Variants in KDM7A observed in about 807,000 individuals in gnomAD.
The protein encoded by KDM7A is lysine-specific demethylase 7A.
A neutral mutation model predicts 114.8 loss-of-function variants in KDM7A; 28 were observed. That is an observed-to-expected ratio of 0.24 (90% CI 0.18 to 0.33). The LOEUF is 0.33. Ranked by LOEUF, KDM7A falls within the 10% of genes least tolerant of loss-of-function variation. The probability of loss-of-function intolerance (pLI) is 1.00; values close to 1 mark genes in which losing one functional copy is unlikely to be tolerated. For missense variants in KDM7A, 942 were observed against 1,142.5 expected, an observed-to-expected ratio of 0.82 and a Z score of 2.53; for synonymous variants, 423 against 397.8, an observed-to-expected ratio of 1.06 and a Z score of -0.75.
At chr7:140,129,114 T>C (rs1818749563) in intron 4 of KDM7A, among the ~76,000 whole-genome samples, 1 of 152,214 alleles carries the variant, frequency 6.6e-6, no homozygotes, top group Non-Finnish European at 1.5e-5. Flanking sequence ...GTGCAGCTGG[T>C]GTACTGGGAT....
intron 3 of KDM7A, among the ~76,000 whole-genome samples, chr7:140,130,103 G>A (rs920555817): frequency 6.6e-6 from 1 of 152,090 alleles, no homozygotes; most frequent in Non-Finnish European, 1.5e-5. Flanking sequence ...AAAAAAATCT[G>A]AAATCATTTC....
chr7:140,093,993 A>C (rs1818063600), intron 18 of KDM7A, 63 bp downstream of exon 18: 3 of 1,025,182 alleles, frequency 2.9e-6, no homozygotes, highest in Non-Finnish European at 3.1e-6. Context: ...TTAAAAAAGA[A>C]AGCAAAAACA....
chr7:140,097,481 G>A (rs1410083725), intron 15 of KDM7A, 64 bp downstream of exon 15: 2 of 872,372 alleles, frequency 2.3e-6, no homozygotes, highest in East Asian at 4.9e-5. Flanking sequence ...TTGCTTCCAG[G>A]AGAAGTTACG....
chr7:140,147,302 T>C (rs1024269685), intron 1 of KDM7A, among the ~76,000 whole-genome samples: 5 of 152,220 alleles, frequency 3.3e-5, no homozygotes, highest in Admixed American at 6.5e-5. Flanking sequence ...CTATTAACTG[T>C]GCTGCAAACT....
chr7:140,161,670 G>A (rs372800427), intron 1 of KDM7A, among the ~76,000 whole-genome samples: 17 of 151,688 alleles, frequency 1.1e-4, no homozygotes, highest in South Asian at 6.3e-4. Flanking sequence ...TCAGCCTCCC[G>A]AGCAGCTGGG....
chr7:140,100,705 T>TATAC (rs1303837729), intron 12 of KDM7A, among the ~76,000 whole-genome samples: 1 of 38,366 alleles, frequency 2.6e-5, no homozygotes, highest in Admixed American at 2.8e-4. Flanking sequence ...TATATATATA[T>TATAC]ATACACATAT....
chr7:140,091,025 C>G lies in KDM7A; in HGVS notation c.*69G>C, dbSNP rs867422068. 1.8e-6 allele frequency: 2 copies of G among 1,096,628 alleles called. No individual in the cohort carries two copies. Among genetic ancestry groups the G allele is most frequent in the Non-Finnish European group, 2.8e-6 (2 of 711,884 alleles). 67.9% of individuals were successfully genotyped at this position (1,096,628 alleles called of 1,614,324 possible). A position where few individuals can be genotyped will look rare whatever the true frequency, so the allele number is the denominator to read the frequency against. On this transcript the variant is annotated 3_prime_UTR_variant, in exon 20 of 20. Transcript: ENST00000397560. ...CAAACTGCTCCAGGCAGGGGGACAG[C>G]GGAAGCTCCAGGCTCCTGCACCCCT...
chr7:140,147,764 G>A (rs573181453), intron 1 of KDM7A, among the ~76,000 whole-genome samples: 15 of 152,274 alleles, frequency 9.9e-5, no homozygotes, highest in African/African-American at 3.1e-4. Context: ...GACAGCTATA[G>A]GAGAGGCAAG....
At chr7:140,106,375 T>C (rs1818338311) in intron 11 of KDM7A, among the ~76,000 whole-genome samples, 1 of 152,232 alleles carries the variant, frequency 6.6e-6, no homozygotes, top group African/African-American at 2.4e-5. Context: ...TTAATTGTGA[T>C]GTTAGGGTGT....
intron 19 of KDM7A, 33 bp downstream of exon 19, chr7:140,091,771 A>C (rs1818024411): frequency 6.2e-7 from 1 of 1,606,354 alleles, no homozygotes; most frequent in Non-Finnish European, 8.5e-7. Flanking sequence ...TACAGTCAGA[A>C]ATATACTTTC....
chr7:140,098,682 C>T (rs1259925389), intron 14 of KDM7A, among the ~76,000 whole-genome samples, 197 bp downstream of exon 14: 1 of 152,172 alleles, frequency 6.6e-6, no homozygotes, highest in African/African-American at 2.4e-5. Flanking sequence ...GAACACCGCC[C>T]CTGGCCACTG....
At chr7:140,125,123 C>G (rs1818679054) in intron 6 of KDM7A, among the ~76,000 whole-genome samples, 1 of 152,202 alleles carries the variant, frequency 6.6e-6, no homozygotes, top group Non-Finnish European at 1.5e-5. Flanking sequence ...ACAGTCATCT[C>G]TGCAAGCTTT....
Position 140,176,733 on chromosome 7 carries a change from G to T in KDM7A, c.194+11C>A. On this transcript the variant is annotated intron_variant, in intron 1 of 19. Coordinates refer to ENST00000397560, the MANE Select transcript of KDM7A (RefSeq NM_030647.2). This position sits in a 1 kb window ranked among gnomAD's most constrained non-coding sequence, Gnocchi z 4.4. ...CGGTGGCGGCTGCGGGGCTGGAGGGGGTTTATTTACCTGCCGTGGAACCAG... is the reference window on the plus strand; with the variant it reads ...CGGTGGCGGCTGCGGGGCTGGAGGGTGTTTATTTACCTGCCGTGGAACCAG... 1 of 1,319,340 alleles carries T rather than the reference G, an allele frequency of 7.6e-7. No homozygotes were observed. The highest frequency in any genetic ancestry group is 9.9e-7 in the Non-Finnish European group (1 of 1,006,324). The allele number at this position is 1,319,340 out of a possible 1,614,324, so 81.7% of individuals were successfully genotyped here.
Position 140,097,547 on chromosome 7 carries a change from G to A in KDM7A, c.2014C>T (p.Leu672=). The change falls in exon 15 of 20, where the codon CTG becomes TTG. Residue 672 remains leucine (L), a splice_region_variant and synonymous_variant. Transcript: ENST00000397560. ...SEDSGPECTA[L]KSIFTTEESE... ...AAGCCATGGGGTCTCAGGCGTACCA[G>A]TGCAGTGCACTCGGGTCCGGAGTCT... 3 of 1,543,856 alleles carry A rather than the reference G, an allele frequency of 1.9e-6. No homozygotes were observed. The highest frequency in any genetic ancestry group is 1.8e-6 in the Non-Finnish European group (2 of 1,116,758).
At chr7:140,114,259 A>G (rs201396851) in intron 9 of KDM7A, among the ~76,000 whole-genome samples, 6 of 151,514 alleles carry the variant, frequency 4.0e-5, no homozygotes, top group Non-Finnish European at 8.8e-5. Context: ...GCTCACTGCA[A>G]CCTCCCTGCT....
At chr7:140,168,682 A>G (rs564843195) in intron 1 of KDM7A, among the ~76,000 whole-genome samples, 35 of 152,366 alleles carry the variant, frequency 2.3e-4, no homozygotes, top group African/African-American at 8.2e-4. Flanking sequence ...TGACCTAAGT[A>G]ACTTTGGAAA....
intron 10 of KDM7A, among the ~76,000 whole-genome samples, chr7:140,113,108 ACAGCACCTAGACCT>A (rs1223771375): frequency 6.6e-6 from 1 of 152,234 alleles, no homozygotes; most frequent in African/African-American, 2.4e-5. Flanking sequence ...GGTGGTACCA[ACAGCACCTAGACCT>A]CACACAGTTG....
At chr7:140,153,493 A>G (rs927216854) in intron 1 of KDM7A, among the ~76,000 whole-genome samples, 20 of 129,166 alleles carry the variant, frequency 1.5e-4, no homozygotes, top group African/African-American at 6.3e-4. Context: ...CTCAAAAAGA[A>G]AAAAAAAAAA....
rs1817976683 is a variant in KDM7A at position 140,088,925 on chromosome 7, A to AC, written c.*2168_*2169insG. On this transcript the variant is annotated 3_prime_UTR_variant, in exon 20 of 20. Coordinates refer to ENST00000397560, the MANE Select transcript of KDM7A (RefSeq NM_030647.2). ...TTTTTGTGACTAAAGAAAAAAATAG[A>AC]AAATACTCAAGAGCTGTGAAAAACG... 6.4e-6 allele frequency: 1 copy of AC among 155,280 alleles called. No homozygotes were observed. Among genetic ancestry groups the AC allele is most frequent in the Non-Finnish European group, 1.4e-5 (1 of 70,206 alleles). 9.6% of individuals were successfully genotyped at this position (155,280 alleles called of 1,614,324 possible). A position where few individuals can be genotyped will look rare whatever the true frequency, so the allele number is the denominator to read the frequency against.
Sources: gnomAD v4.1 joint callset for allele counts (sites outside exome capture counted in the v4.1 genomes callset) on GRCh38, gnomAD v4.1.1 for gene constraint, Gnocchi (gnomAD v3.1) non-coding constraint, MANE v1.5 for transcripts, NCBI Gene and HGNC (gene_info 2026-07-23, HGNC 2026-07-21) for gene names.